Variants in GRIN2A observed in about 807,000 individuals in gnomAD.
GRIN2A encodes glutamate ionotropic receptor NMDA type subunit 2A.
GRIN2A carries 22 observed loss-of-function variants against 113.4 expected under a neutral mutation model. The observed-to-expected ratio is 0.19, with a 90% confidence interval of 0.14 to 0.28. The LOEUF (loss-of-function observed/expected upper bound fraction) is 0.28, where lower values mean the gene tolerates loss of function less well. Among genes scored for constraint, GRIN2A ranks in the 10% least tolerant of loss-of-function variants. The pLI is 1.00. For synonymous variants in GRIN2A, 827 were observed against 738.4 expected (o/e 1.12, Z -1.94); for missense variants, 1,502 against 1,887.0 (o/e 0.80, Z 3.78).
At chr16:9,994,099 C>A (rs2046177680) in intron 2 of GRIN2A, among the ~76,000 whole-genome samples, 1 of 152,194 alleles carries the variant, frequency 6.6e-6, no homozygotes, top group African/African-American at 2.4e-5. Context: ...ATCTTTGGCA[C>A]AAACGCTCGG....
chr16:9,852,295 G>A (rs1026822242), intron 4 of GRIN2A, among the ~76,000 whole-genome samples: 2 of 152,152 alleles, frequency 1.3e-5, no homozygotes, highest in Admixed American at 1.3e-4. Context: ...TTGAGCTACA[G>A]TAACCACGTT....
chr16:10,123,049 C>T (rs7204513), intron 2 of GRIN2A, among the ~76,000 whole-genome samples: 115,305 of 152,184 alleles, frequency 0.76, 44,943 homozygotes, highest in East Asian at 1. Flanking sequence ...ATCAAATATA[C>T]AGCTAGCAAT....
At chr16:9,996,691 C>T (rs1371547015) in intron 2 of GRIN2A, among the ~76,000 whole-genome samples, 3 of 152,134 alleles carry the variant, frequency 2.0e-5, no homozygotes, top group African/African-American at 7.2e-5. Flanking sequence ...TTTCCCAATA[C>T]ACCATAAGCT....
At chr16:10,051,710 G>C (rs1406648669) in intron 2 of GRIN2A, among the ~76,000 whole-genome samples, 1 of 152,176 alleles carries the variant, frequency 6.6e-6, no homozygotes, top group East Asian at 1.9e-4. Context: ...CAAGGAGGTA[G>C]AAAATACCAG....
At chr16:9,813,154 T>G (rs559264763) in intron 10 of GRIN2A, among the ~76,000 whole-genome samples, 15 of 152,310 alleles carry the variant, frequency 9.8e-5, no homozygotes, top group African/African-American at 3.6e-4. Context: ...TAAGGCATGA[T>G]GAAAACACAA....
At chr16:9,998,991 G>A (rs952129587) in intron 2 of GRIN2A, among the ~76,000 whole-genome samples, 1 of 152,114 alleles carries the variant, frequency 6.6e-6, no homozygotes, top group African/African-American at 2.4e-5. Context: ...AGTCAGCTCA[G>A]AGCCAATGGA....
Position 9,759,187 on chromosome 16 carries a change from G to T in GRIN2A, c.*3962C>A, listed in dbSNP as rs575863321. 5 of 216,970 alleles carry T rather than the reference G, an allele frequency of 2.3e-5. No individual in the cohort carries two copies. The highest frequency in any genetic ancestry group is 1.1e-4 in the African/African-American group (5 of 44,520). The allele number at this position is 216,970 out of a possible 1,614,324, so 13.4% of individuals were successfully genotyped here. Reference sequence around the variant, plus strand: ...TTAGTGTTTATTTAGGTCTTAAACCGCAAGGGATTTCAGTACAAGGTACTT... The same window carrying T: ...TTAGTGTTTATTTAGGTCTTAAACCTCAAGGGATTTCAGTACAAGGTACTT... On this transcript the variant is annotated 3_prime_UTR_variant, in exon 13 of 13. Coordinates refer to ENST00000330684, the MANE Select transcript of GRIN2A (RefSeq NM_001134407.3).
chr16:9,777,873 G>A lies in GRIN2A; in HGVS notation c.2357-8784C>T, dbSNP rs190592712. Among the ~76,000 whole-genome samples, 411 of 152,326 alleles carry A rather than the reference G, an allele frequency of 2.7e-3. 6 individuals carry two copies. The highest frequency in any genetic ancestry group is 6.8e-4 in the Non-Finnish European group (46 of 68,030). The stretch of plus-strand genomic sequence containing the variant: ...GGGGTCAGGAGTTTGAGACCGGCCT[G>A]GCCAACATGGTGAAACCCTATCTCT... On this transcript the variant is annotated intron_variant, in intron 11 of 12. Coordinates refer to ENST00000330684, the MANE Select transcript of GRIN2A (RefSeq NM_001134407.3).
At chr16:9,866,507 G>C (rs556598592) in intron 4 of GRIN2A, among the ~76,000 whole-genome samples, 2 of 152,200 alleles carry the variant, frequency 1.3e-5, no homozygotes, top group South Asian at 4.2e-4. Flanking sequence ...AGAAGCCCTT[G>C]GATATTGGGC....
At position 9,946,371 on chromosome 16, in the gene GRIN2A, T is replaced by C. The variant is rs906691821; in HGVS notation, c.415-7820A>G. On this transcript the variant is annotated intron_variant, in intron 2 of 12. Transcript: ENST00000330684. ...GGAAATCCTACTGGACCAGAGACCATGGGGTTGGGTCTCTGAGGAGCTGAT... is the reference window on the plus strand; with the variant it reads ...GGAAATCCTACTGGACCAGAGACCACGGGGTTGGGTCTCTGAGGAGCTGAT... Among the ~76,000 whole-genome samples the C allele has an allele frequency of 5.3e-5, 8 of 152,256 alleles. No homozygotes were observed. The East Asian group carries it at 9.6e-4, about 18-fold the overall frequency.
At chr16:10,050,654 T>C in intron 2 of GRIN2A, among the ~76,000 whole-genome samples, 1 of 152,086 alleles carries the variant, frequency 6.6e-6, no homozygotes, top group East Asian at 1.9e-4. Context: ...TATTTCATTA[T>C]ATATTATAAT....
At chr16:10,017,383 G>A (rs2046631419) in intron 2 of GRIN2A, among the ~76,000 whole-genome samples, 1 of 152,086 alleles carries the variant, frequency 6.6e-6, no homozygotes, top group Non-Finnish European at 1.5e-5. Flanking sequence ...CCTGGGGGCT[G>A]GGGATCATGA....
intron 4 of GRIN2A, among the ~76,000 whole-genome samples, chr16:9,873,543 AAACAAC>A (rs71402407): frequency 2.7e-5 from 4 of 148,008 alleles, no homozygotes; most frequent in African/African-American, 5.2e-5. Context: ...CATCTCTAAA[AAACAAC>A]AACAACAACA....
At chr16:10,036,449 C>CT (rs369821921) in intron 2 of GRIN2A, among the ~76,000 whole-genome samples, 1,126 of 46,046 alleles carry the variant, frequency 0.024, 87 homozygotes, top group Middle Eastern at 0.045. Context: ...TTTTTTTTTT[C>CT]TTTTTTTTTT....
intron 2 of GRIN2A, among the ~76,000 whole-genome samples, chr16:9,998,733 T>C (rs2141836772): frequency 6.6e-6 from 1 of 152,238 alleles, no homozygotes; most frequent in South Asian, 2.1e-4. Flanking sequence ...CACTCTTCTC[T>C]CTCTCTCTCC....
At chr16:10,099,386 T>G (rs1035352147) in intron 2 of GRIN2A, among the ~76,000 whole-genome samples, 1 of 152,168 alleles carries the variant, frequency 6.6e-6, no homozygotes, top group African/African-American at 2.4e-5. Context: ...AGCTCAGAAT[T>G]CAGGGCCCTG....
At chr16:10,049,478 A>G (rs566980908) in intron 2 of GRIN2A, among the ~76,000 whole-genome samples, 15 of 152,006 alleles carry the variant, frequency 9.9e-5, no homozygotes, top group Non-Finnish European at 2.1e-4. Flanking sequence ...CCCAGGTTCA[A>G]GCGATTCTCC....
rs150642841 is a variant in GRIN2A, at chr16:10,166,859, T to G, written c.414+13139A>C. ...CAATGTAAAGACAAGGATGAAGACC[T>G]TTATGATGACCCACATCCACTTGAA... On this transcript the variant is annotated intron_variant, in intron 2 of 12. Coordinates refer to ENST00000330684, the MANE Select transcript of GRIN2A (RefSeq NM_001134407.3). 2.7e-3 allele frequency among the ~76,000 whole-genome samples: 418 copies of G among 152,312 alleles called. 1 individual carries two copies. Among genetic ancestry groups the G allele is most frequent in the African/African-American group, 8.5e-3 (352 of 41,560 alleles).
intron 3 of GRIN2A, among the ~76,000 whole-genome samples, chr16:9,936,741 A>G (rs906354486): frequency 2.6e-5 from 4 of 152,220 alleles, no homozygotes; most frequent in Admixed American, 6.5e-5. Flanking sequence ...AAGATTTCCA[A>G]TGGCCTACAA....
Sources: gnomAD v4.1 joint callset for allele counts (sites outside exome capture counted in the v4.1 genomes callset) on GRCh38, gnomAD v4.1.1 for gene constraint, MANE v1.5 for transcripts, NCBI Gene and HGNC (gene_info 2026-07-23, HGNC 2026-07-21) for gene names.